Variants in PPFIA2 observed in about 807,000 individuals in gnomAD.
PPFIA2 encodes the protein liprin-alpha-2.
In PPFIA2, 46 loss-of-function variants were observed where a neutral mutation model predicts 175.5. The observed-to-expected ratio is 0.26, with a 90% CI of 0.21 to 0.34. The LOEUF (loss-of-function observed/expected upper bound fraction) is 0.34, where lower values mean the gene tolerates loss of function less well. Among genes scored for constraint, PPFIA2 ranks in the 10% least tolerant of loss-of-function variants. The pLI, the probability that PPFIA2 is intolerant of heterozygous loss-of-function variation, is 1.00. For synonymous variants in PPFIA2, 568 were observed against 511.4 expected (o/e 1.11, Z -1.49); for missense variants, 1,179 against 1,506.1 (o/e 0.78, Z 3.60).
At chr12:81,470,119 T>G (rs2056466517) in intron 4 of PPFIA2, among the ~76,000 whole-genome samples, 1 of 152,194 alleles carries the variant, frequency 6.6e-6, no homozygotes, top group Non-Finnish European at 1.5e-5. Context: ...TGTTTACACT[T>G]CGAGTAGTAT....
At chr12:81,259,777 T>A (rs1309197832) in intron 32 of PPFIA2, 117 bp from the exon 33 acceptor site, 2 of 805,824 alleles carry the variant, frequency 2.5e-6, no homozygotes, top group Middle Eastern at 2.3e-4. Flanking sequence ...TAGAAGATCA[T>A]GAGAAGGAAA....
rs989211004 is a variant in PPFIA2 at position 81,652,355 on chromosome 12, C to T, written c.303+24436G>A. Among the ~76,000 whole-genome samples, 22 of 151,308 alleles carry T rather than the reference C, an allele frequency of 1.5e-4. 1 individual carries two copies. Among genetic ancestry groups the T allele is most frequent in the Admixed American group, 1.3e-3 (20 of 15,102 alleles). ...TTACAAAGTTATCATTGGCGATTTG[C>T]TTCAGAATTTCATTTCCATCTCATC... On this transcript the variant is annotated intron_variant, in intron 4 of 32. Transcript: ENST00000549396.
intron 7 of PPFIA2, among the ~76,000 whole-genome samples, chr12:81,416,301 C>A (rs778639946): frequency 6.6e-6 from 1 of 151,420 alleles, no homozygotes; most frequent in Admixed American, 6.6e-5. Flanking sequence ...TGCATGAAAG[C>A]AAGACTCAAT....
chr12:81,566,448 C>A (rs1296978851), intron 4 of PPFIA2, among the ~76,000 whole-genome samples: 2 of 141,886 alleles, frequency 1.4e-5, no homozygotes, highest in African/African-American at 5.2e-5. Flanking sequence ...CACTTGAAGC[C>A]GGGAGGCGGA....
intron 5 of PPFIA2, among the ~76,000 whole-genome samples, chr12:81,446,169 T>C (rs1278856549): frequency 6.6e-6 from 1 of 152,228 alleles, no homozygotes; most frequent in Non-Finnish European, 1.5e-5. Context: ...CATTAAAATG[T>C]TACTTTAACT....
intron 4 of PPFIA2, among the ~76,000 whole-genome samples, chr12:81,495,620 C>T (rs1180251645): frequency 1.3e-5 from 2 of 151,998 alleles, no homozygotes; most frequent in East Asian, 3.9e-4. Context: ...GCCTGGGCAA[C>T]ATAGTGAAAC....
chr12:81,706,220 G>A lies in PPFIA2; in HGVS notation c.250-29376C>T, dbSNP rs547997442. Among the ~76,000 whole-genome samples the A allele has an allele frequency of 1.0e-3, 154 of 152,198 alleles. 1 individual carries two copies. Among genetic ancestry groups the A allele is most frequent in the South Asian group, 5.6e-3 (27 of 4,824 alleles). ...TGCAAAATTCTTTCTAAAACAATAT[G>A]TAATATAAATAAGGAAGCATAAAAG... On this transcript the variant is annotated intron_variant, in intron 3 of 32. Transcript: ENST00000549396.
chr12:81,462,273 A>C (rs1434283913), intron 4 of PPFIA2, among the ~76,000 whole-genome samples: 3 of 128,584 alleles, frequency 2.3e-5, no homozygotes, highest in Admixed American at 2.3e-4. Context: ...ATATATATAT[A>C]TATGTTAGAA....
At chr12:81,682,982 T>C (rs2073901198) in intron 3 of PPFIA2, among the ~76,000 whole-genome samples, 1 of 152,112 alleles carries the variant, frequency 6.6e-6, no homozygotes, top group Non-Finnish European at 1.5e-5. Context: ...ACTGTGGCTC[T>C]AAATATAATG....
intron 4 of PPFIA2, among the ~76,000 whole-genome samples, chr12:81,500,198 T>C (rs1403959143): frequency 6.6e-6 from 1 of 152,154 alleles, no homozygotes; most frequent in Admixed American, 6.5e-5. Context: ...TTGGTAGTTA[T>C]AAGACACACA....
intron 4 of PPFIA2, among the ~76,000 whole-genome samples, chr12:81,476,993 G>A (rs1566982780): frequency 1.3e-5 from 2 of 152,064 alleles, no homozygotes. Context: ...TCACTGATAT[G>A]TGGGAGCTGA....
At chr12:81,268,572 ATCTTT>A (rs2038127894) in intron 28 of PPFIA2, among the ~76,000 whole-genome samples, 1 of 152,236 alleles carries the variant, frequency 6.6e-6, no homozygotes. Context: ...TTAATAATTA[ATCTTT>A]TCGAGTCTCT....
intron 4 of PPFIA2, among the ~76,000 whole-genome samples, chr12:81,664,986 A>G (rs905307842): frequency 1.1e-4 from 16 of 150,272 alleles, no homozygotes; most frequent in African/African-American, 3.4e-4. Flanking sequence ...GAATTGAACA[A>G]TGAGAACACA....
chr12:81,341,170 T>C lies in PPFIA2; in HGVS notation c.2301A>G (p.Ala767=), dbSNP rs767121263. 2.5e-5 allele frequency: 41 copies of C among 1,612,096 alleles called. No homozygotes were observed. Among genetic ancestry groups the C allele is most frequent in the Non-Finnish European group, 3.4e-5 (40 of 1,178,724 alleles). Reference sequence around the variant, plus strand: ...GAGGAGAAGTTTCACATTTAATTGTTGCTTTGTCCTCTCGACCATCTTCTT... The same window carrying C: ...GAGGAGAAGTTTCACATTTAATTGTCGCTTTGTCCTCTCGACCATCTTCTT... ...VVEEDGREDK[A]TIKCETSPPP... The change falls in exon 20 of 33, where the codon GCA becomes GCG. Residue 767 remains alanine (A), a synonymous_variant. Transcript: ENST00000549396.
intron 8 of PPFIA2, among the ~76,000 whole-genome samples, chr12:81,401,299 G>A (rs771452150): frequency 2.6e-5 from 4 of 152,024 alleles, no homozygotes; most frequent in Non-Finnish European, 4.4e-5. Flanking sequence ...TATACAATAT[G>A]CCTAAGATGA....
chr12:81,454,084 T>C (rs1260205621), intron 5 of PPFIA2, among the ~76,000 whole-genome samples: 3 of 152,004 alleles, frequency 2.0e-5, no homozygotes, highest in Admixed American at 2.0e-4. Context: ...CTGGGTATGG[T>C]GGCATGTGGC....
Position 81,323,193 on chromosome 12 carries a change from GC to G in PPFIA2, c.2642+2583del, listed in dbSNP as rs1480171950. Among the ~76,000 whole-genome samples the G allele has an allele frequency of 2.6e-3, 391 of 152,184 alleles. 1 individual carries two copies. Among genetic ancestry groups the G allele is most frequent in the African/African-American group, 9.1e-3 (376 of 41,544 alleles). On this transcript the variant is annotated intron_variant, in intron 22 of 32. Coordinates refer to ENST00000549396, the MANE Select transcript of PPFIA2 (RefSeq NM_003625.5). ...TACAGACTGTCAATTCTAAATAGCTGCTATCCTAGCAAATTTGAAAATAAGA... is the reference window on the plus strand; with the variant it reads ...TACAGACTGTCAATTCTAAATAGCTGTATCCTAGCAAATTTGAAAATAAGA...
chr12:81,258,011 A>T lies in PPFIA2; in HGVS notation c.*1683T>A, dbSNP rs1332951509. 3.9e-5 allele frequency: 6 copies of T among 152,098 alleles called. No homozygotes were observed. Among genetic ancestry groups the T allele is most frequent in the African/African-American group, 1.4e-4 (6 of 41,428 alleles). The allele number at this position is 152,098 out of a possible 1,614,324, so 9.4% of individuals were successfully genotyped here. On this transcript the variant is annotated 3_prime_UTR_variant, in exon 33 of 33. Transcript: ENST00000549396. ...GGCATTATAATGTCGTAGTTCCTAT[A>T]TTCTATTTCATTTCTATGAATCAAG... is the stretch of plus-strand genomic sequence containing the variant.
At chr12:81,510,567 T>C (rs2061661010) in intron 4 of PPFIA2, among the ~76,000 whole-genome samples, 1 of 152,154 alleles carries the variant, frequency 6.6e-6, no homozygotes, top group Admixed American at 6.6e-5. Flanking sequence ...AGATAGGTTC[T>C]ATGATTGTAC....
Sources: gnomAD v4.1 joint callset for allele counts (sites outside exome capture counted in the v4.1 genomes callset) on GRCh38, gnomAD v4.1.1 for gene constraint, MANE v1.5 for transcripts, NCBI Gene and HGNC (gene_info 2026-07-23, HGNC 2026-07-21) for gene names.